The following RXFP1 variants were observed in gnomAD, a reference collection of about 807,000 sequenced individuals.
RXFP1 encodes relaxin family peptide receptor 1.
A neutral mutation model predicts 89.8 loss-of-function variants in RXFP1; 73 were observed. The ratio of observed to expected loss-of-function variants is 0.81; its 90% CI spans 0.67 to 0.99. The LOEUF (loss-of-function observed/expected upper bound fraction) is 0.99, where lower values mean the gene tolerates loss of function less well. Ranked by LOEUF, RXFP1 falls within the 50% of genes least tolerant of loss-of-function variation. The pLI is 0.00. For synonymous variants in RXFP1, 277 were observed against 305.5 expected, an observed-to-expected ratio of 0.91 and a Z score of 0.97; for missense variants, 793 against 895.5, an observed-to-expected ratio of 0.89 and a Z score of 1.46.
chr4:158,609,530 A>G (rs374378823), intron 6 of RXFP1, among the ~76,000 whole-genome samples: 1 of 152,194 alleles, frequency 6.6e-6, no homozygotes, highest in Admixed American at 6.5e-5. Flanking sequence ...ATTTCCATTT[A>G]TGTCCCCTTG....
At chr4:158,566,842 C>T (rs12649106) in intron 1 of RXFP1, among the ~76,000 whole-genome samples, 41,418 of 152,182 alleles carry the variant, frequency 0.27, 7,550 homozygotes, top group East Asian at 0.79. Context: ...CCATTCTGGC[C>T]GGGCTTGAGG....
chr4:158,563,920 CATAAT>C (rs1387542748), intron 1 of RXFP1, among the ~76,000 whole-genome samples: 2 of 146,646 alleles, frequency 1.4e-5, no homozygotes, highest in Non-Finnish European at 3.0e-5. Flanking sequence ...TATAACATAA[CATAAT>C]ATATAATGTA....
intron 6 of RXFP1, among the ~76,000 whole-genome samples, chr4:158,610,191 G>C (rs975235634): frequency 6.6e-6 from 1 of 151,884 alleles, no homozygotes; most frequent in Non-Finnish European, 1.5e-5. Flanking sequence ...CTTGAACCTG[G>C]GGGGCGGAGG....
intron 5 of RXFP1, among the ~76,000 whole-genome samples, chr4:158,606,131 A>G (rs952790818): frequency 6.6e-6 from 1 of 152,232 alleles, no homozygotes; most frequent in African/African-American, 2.4e-5. Context: ...ATTAGGCCTG[A>G]CAAAACTTCA....
chr4:158,563,509 C>G (rs994866335), intron 1 of RXFP1, among the ~76,000 whole-genome samples: 19 of 150,832 alleles, frequency 1.3e-4, no homozygotes, highest in African/African-American at 4.4e-4. Context: ...CACACACACA[C>G]ACACACACAC....
At chr4:158,607,085 A>G in intron 5 of RXFP1, 2 of 1,536,102 alleles carry the variant, frequency 1.3e-6, no homozygotes, top group Non-Finnish European at 1.7e-6. Context: ...CACTCAGAAC[A>G]TGAAGGCAGC....
chr4:158,552,107 T>C (rs1750281643), intron 1 of RXFP1, among the ~76,000 whole-genome samples: 1 of 152,192 alleles, frequency 6.6e-6, no homozygotes, highest in South Asian at 2.1e-4. Context: ...AGAATCACAG[T>C]TGAGGCAGTA....
rs940341355 is a variant in RXFP1, at chr4:158,648,570, G to A, written c.1828G>A (p.Ala610Thr). ...GSMFYSVHQSAITATEIRNQV... is the reference protein window; with the variant it reads ...GSMFYSVHQSTITATEIRNQV... ...CATGTTTTATAGTGTTCATCAAAGTGCCATAACAGCAACTGAAATACGGAA... is the reference window on the plus strand; with the variant it reads ...CATGTTTTATAGTGTTCATCAAAGTACCATAACAGCAACTGAAATACGGAA... The change falls in exon 17 of 18, where the codon GCC becomes ACC. Residue 610 changes from alanine to threonine, a missense_variant. By Grantham distance (58) the Ala-to-Thr change is moderately conservative. Transcript: ENST00000307765. 3 of 1,613,152 alleles carry A rather than the reference G, an allele frequency of 1.9e-6. No homozygotes were observed. The highest frequency in any genetic ancestry group is 1.7e-4 in the Middle Eastern group (1 of 6,054).
intron 1 of RXFP1, among the ~76,000 whole-genome samples, chr4:158,524,695 A>T (rs1370542916): frequency 6.6e-6 from 1 of 152,048 alleles, no homozygotes; most frequent in African/African-American, 2.4e-5. Flanking sequence ...GGTGTATGGG[A>T]CCTCTCTATA....
intron 4 of RXFP1, 58 bp downstream of exon 4, chr4:158,599,489 T>A: frequency 7.6e-7 from 1 of 1,316,994 alleles, no homozygotes; most frequent in African/African-American, 1.5e-5. Flanking sequence ...AAAATTGTAT[T>A]ATAATTAAGA....
Position 158,534,893 on chromosome 4 carries a change from G to T in RXFP1, c.49+12868G>T, listed in dbSNP as rs1744926674. ...TTACCTATATTATTACCTATAATAA[G>T]TAATTTTTATTACATATAATAAAAT... On this transcript the variant is annotated intron_variant, in intron 1 of 17. Transcript: ENST00000307765. Among the ~76,000 whole-genome samples the T allele has an allele frequency of 5.8e-5, 5 of 86,030 alleles. No individual in the cohort carries two copies. In the South Asian group the frequency reaches 2.7e-3, roughly 47 times the overall value. 56.4% of individuals were successfully genotyped at this position (86,030 alleles called of 152,430 possible). A position where few individuals can be genotyped will look rare whatever the true frequency, so the allele number is the denominator to read the frequency against.
At chr4:158,609,490 C>A (rs1191912217) in intron 6 of RXFP1, among the ~76,000 whole-genome samples, 1 of 152,160 alleles carries the variant, frequency 6.6e-6, no homozygotes. Context: ...GAAGTATAAC[C>A]AAAAATCACA....
intron 8 of RXFP1, among the ~76,000 whole-genome samples, chr4:158,615,966 G>C (rs1419068856): frequency 3.3e-5 from 5 of 151,980 alleles, no homozygotes; most frequent in African/African-American, 1.2e-4. Flanking sequence ...AAAGGAAAAA[G>C]TTTGAAATAC....
At chr4:158,611,545 C>A (rs1404988432) in intron 6 of RXFP1, among the ~76,000 whole-genome samples, 1 of 152,162 alleles carries the variant, frequency 6.6e-6, no homozygotes, top group Non-Finnish European at 1.5e-5. Flanking sequence ...TTGTCAGACT[C>A]TCATACCTCT....
intron 1 of RXFP1, among the ~76,000 whole-genome samples, chr4:158,534,739 C>T (rs1375292739): frequency 6.6e-5 from 10 of 151,784 alleles, no homozygotes; most frequent in Non-Finnish European, 1.3e-4. Flanking sequence ...GTCAATGTCA[C>T]GGGCACATCA....
chr4:158,587,618 A>G (rs1006885208), intron 2 of RXFP1, among the ~76,000 whole-genome samples: 5 of 152,252 alleles, frequency 3.3e-5, no homozygotes, highest in Non-Finnish European at 5.9e-5. Context: ...GAATGTAAAC[A>G]TTACATAAAT....
At chr4:158,623,502 CAAAA>C (rs56692438) in intron 9 of RXFP1, among the ~76,000 whole-genome samples, 13,188 of 42,038 alleles carry the variant, frequency 0.31, 1,037 homozygotes, top group African/African-American at 0.44. Context: ...AACTCCATCT[CAAAA>C]AAAAAAAAAA....
chr4:158,572,963 A>C, intron 2 of RXFP1, 128 bp downstream of exon 2: 1 of 1,330,000 alleles, frequency 7.5e-7, no homozygotes, highest in Non-Finnish European at 1.0e-6. Context: ...GCTTAAGGAA[A>C]TCTTACACTT....
chr4:158,584,699 GCAT>G (rs1394092648), intron 2 of RXFP1, among the ~76,000 whole-genome samples: 2 of 152,084 alleles, frequency 1.3e-5, no homozygotes, highest in Non-Finnish European at 2.9e-5. Flanking sequence ...AGGACTACCT[GCAT>G]CTGAGCCACC....
Sources: allele counts gnomAD v4.1 joint callset (sites outside exome capture counted in the v4.1 genomes callset), GRCh38; gene constraint gnomAD v4.1.1; transcripts MANE v1.5; gene names NCBI Gene and HGNC (gene_info 2026-07-23, HGNC 2026-07-21).